PKD2L2: variants seen among roughly 807,000 people sequenced by gnomAD.
PKD2L2 encodes the protein polycystin 2 like 2, transient receptor potential cation channel, also known as polycystin-2-like protein 2.
Under a neutral mutation model 83.9 loss-of-function variants are expected in PKD2L2, and 67 were observed. The ratio of observed to expected loss-of-function variants is 0.80; its 90% CI spans 0.66 to 0.98. The LOEUF (loss-of-function observed/expected upper bound fraction) is 0.98. Among genes scored for constraint, PKD2L2 ranks in the 50% least tolerant of loss-of-function variants. PKD2L2 has a pLI of 0.00. For missense variants in PKD2L2, 632 were observed against 717.2 expected, an observed-to-expected ratio of 0.88 and a Z score of 1.36; for synonymous variants, 223 against 237.8, an observed-to-expected ratio of 0.94 and a Z score of 0.57.
At position 137,923,488 on chromosome 5, in the gene PKD2L2, G is replaced by T; in HGVS notation, c.1518G>T (p.Arg506Ser). ...AAGCTGACTATTCAATAGGCAGAAGGCTAGATTTTGAACTTGGCAAAATGA... is the reference window on the plus strand; with the variant it reads ...AAGCTGACTATTCAATAGGCAGAAGTCTAGATTTTGAACTTGGCAAAATGA... ...EVKADYSIGRRLDFELGKMIK... is the reference protein window; with the variant it reads ...EVKADYSIGRSLDFELGKMIK... Residue 506 changes from arginine (R) to serine (S), a missense_variant, in exon 10 of 15, where the codon AGG (arginine) becomes AGT (serine). Transcript: ENST00000508883. 6.4e-7 allele frequency: 1 copy of T among 1,567,310 alleles called. No homozygotes were observed. Among genetic ancestry groups the T allele is most frequent in the Non-Finnish European group, 8.8e-7 (1 of 1,137,528 alleles).
At chr5:137,892,792 A>G (rs1756102656) in intron 3 of PKD2L2, among the ~76,000 whole-genome samples, 179 bp downstream of exon 3, 1 of 152,212 alleles carries the variant, frequency 6.6e-6, no homozygotes, top group African/African-American at 2.4e-5. Flanking sequence ...TCTCAGTTTG[A>G]TACTATTCTT....
intron 8 of PKD2L2, among the ~76,000 whole-genome samples, chr5:137,917,240 C>A (rs1758457270): frequency 6.8e-6 from 1 of 146,686 alleles, no homozygotes; most frequent in African/African-American, 2.5e-5. Context: ...TCTTAGCTTA[C>A]TGCAGACTCC....
intron 8 of PKD2L2, among the ~76,000 whole-genome samples, chr5:137,911,849 C>T (rs996435613): frequency 1.3e-5 from 2 of 152,150 alleles, no homozygotes; most frequent in Admixed American, 6.6e-5. Flanking sequence ...ACCGTTCTAC[C>T]CTCTGCTTCT....
chr5:137,937,526 A>G (rs1292543201), intron 14 of PKD2L2, among the ~76,000 whole-genome samples: 2 of 152,196 alleles, frequency 1.3e-5, no homozygotes, highest in Non-Finnish European at 2.9e-5. Context: ...TACGATAGCC[A>G]TATGTTCTCT....
In PKD2L2 at chr5:137,905,241, G is replaced by A. The variant is rs147355055; in HGVS notation, c.747-965G>A. ...GCAGACTTTGAAACTGTTAACTGGCGTATCTAATCAGTAGTTGTGTAGATG... is the reference window on the plus strand; with the variant it reads ...GCAGACTTTGAAACTGTTAACTGGCATATCTAATCAGTAGTTGTGTAGATG... On this transcript the variant is annotated intron_variant, in intron 5 of 14. Coordinates refer to ENST00000508883, the MANE Select transcript of PKD2L2 (RefSeq NM_001300921.2). Among the ~76,000 whole-genome samples, 11 of 152,254 alleles carry A rather than the reference G, an allele frequency of 7.2e-5. No individual in the cohort carries two copies. In the East Asian group the frequency reaches 9.6e-4, roughly 13 times the overall value.
chr5:137,904,456 A>G (rs1757209398), intron 5 of PKD2L2, among the ~76,000 whole-genome samples: 1 of 152,222 alleles, frequency 6.6e-6, no homozygotes, highest in African/African-American at 2.4e-5. Flanking sequence ...GAATGCGATC[A>G]TATCCTTTGC....
chr5:137,926,059 C>A, intron 12 of PKD2L2, 130 bp downstream of exon 12: 1 of 568,862 alleles, frequency 1.8e-6, no homozygotes. Flanking sequence ...CCAAATAAAT[C>A]TCCCAGAATC....
intron 14 of PKD2L2, chr5:137,939,745 G>C: frequency 1.8e-6 from 1 of 566,516 alleles, no homozygotes; most frequent in Non-Finnish European, 2.3e-6. Flanking sequence ...GGAAAACAGA[G>C]AACACAGTTG....
At chr5:137,918,872 G>A (rs528394970) in intron 8 of PKD2L2, among the ~76,000 whole-genome samples, 1 of 146,678 alleles carries the variant, frequency 6.8e-6, no homozygotes, top group African/African-American at 2.5e-5. Flanking sequence ...TGATCCAGAC[G>A]AAATAGTTGA....
intron 12 of PKD2L2, among the ~76,000 whole-genome samples, chr5:137,926,532 C>T (rs1169294157): frequency 6.6e-6 from 1 of 152,148 alleles, no homozygotes; most frequent in Non-Finnish European, 1.5e-5. Context: ...TGAAGGTGAA[C>T]TTTGTGGTGC....
At chr5:137,924,116 C>T (rs1437474853) in intron 10 of PKD2L2, among the ~76,000 whole-genome samples, 4 of 152,304 alleles carry the variant, frequency 2.6e-5, no homozygotes, top group South Asian at 4.1e-4. Context: ...CAGTACTTTT[C>T]GCCCAGCCTT....
In PKD2L2 at chr5:137,894,546, G is replaced by T. The variant is rs1164531016; in HGVS notation, c.461G>T (p.Cys154Phe). The T allele has an allele frequency of 6.2e-7, 1 of 1,612,962 alleles. No homozygotes were observed. The highest frequency in any genetic ancestry group is 1.3e-5 in the African/African-American group (1 of 74,888). ...TCTTTTCAGTCTTTGATGAGTGAAT[G>T]TTATGGCAAATATACTTCTGCAAAT... ...YSSFQSLMSE[C>F]YGKYTSANED... The change falls in exon 4 of 15, where the codon TGT becomes TTT. Residue 154 changes from cysteine to phenylalanine, a missense_variant. Cys to Phe is a radical substitution (Grantham distance 205). Coordinates refer to ENST00000508883, the MANE Select transcript of PKD2L2 (RefSeq NM_001300921.2).
At chr5:137,906,462 A>G (rs764981350) in intron 6 of PKD2L2, 28 bp downstream of exon 6, 303 of 1,179,334 alleles carry the variant, frequency 2.6e-4, no homozygotes, top group Non-Finnish European at 3.7e-4. Flanking sequence ...TGTATGGTTG[A>G]AGGGGATCAC....
At chr5:137,936,671 C>T (rs576195695) in intron 14 of PKD2L2, among the ~76,000 whole-genome samples, 8 of 152,146 alleles carry the variant, frequency 5.3e-5, no homozygotes, top group South Asian at 2.1e-4. Context: ...CAGCCAGGAT[C>T]GTCTCGATCT....
At position 137,901,523 on chromosome 5, in the gene PKD2L2, G is replaced by T. The variant is rs80203446; in HGVS notation, c.746+1786G>T. On this transcript the variant is annotated intron_variant, in intron 5 of 14. Coordinates refer to ENST00000508883, the MANE Select transcript of PKD2L2 (RefSeq NM_001300921.2). ...TACTGTTTTGTGCAAATGAAGTCAG[G>T]TTTATTATCAGGACTACCCTTATCT... is the stretch of plus-strand genomic sequence containing the variant. 3.8e-3 allele frequency among the ~76,000 whole-genome samples: 582 copies of T among 152,262 alleles called. 3 individuals carry two copies. The highest frequency in any genetic ancestry group is 0.011 in the African/African-American group (440 of 41,546).
Position 137,916,475 on chromosome 5 carries a change from C to CTTTTTTTTT in PKD2L2, c.1329-5147_1329-5139dup, listed in dbSNP as rs1169529107. 1.3e-3 allele frequency among the ~76,000 whole-genome samples: 124 copies of CTTTTTTTTT among 93,128 alleles called. 2 individuals carry two copies. The highest frequency in any genetic ancestry group is 1.7e-3 in the East Asian group (5 of 2,892). 61.1% of individuals were successfully genotyped at this position (93,128 alleles called of 152,430 possible). On this transcript the variant is annotated intron_variant, in intron 8 of 14. Transcript: ENST00000508883. Reference sequence around the variant, plus strand: ...AAGATTCTTAATTGCCACTTTTCTTCTTTTTTTTTTTTTTTTTTTTTTGAG... The same window carrying CTTTTTTTTT: ...AAGATTCTTAATTGCCACTTTTCTTCTTTTTTTTTTTTTTTTTTTTTTTTTTTTTTTGAG...
chr5:137,924,383 G>C (rs1759195056), intron 10 of PKD2L2, among the ~76,000 whole-genome samples: 1 of 152,206 alleles, frequency 6.6e-6, no homozygotes, highest in Non-Finnish European at 1.5e-5. Flanking sequence ...CTCTGCTCAA[G>C]TCATTCTCTG....
intron 8 of PKD2L2, among the ~76,000 whole-genome samples, chr5:137,912,160 A>C (rs548585704): frequency 3.8e-4 from 58 of 152,292 alleles, no homozygotes; most frequent in Admixed American, 9.2e-4. Context: ...TTTCCTTTAG[A>C]TACATATACC....
rs151077965 is a variant in PKD2L2 at position 137,933,181 on chromosome 5, A to G, written c.1672-2616A>G. On this transcript the variant is annotated intron_variant, in intron 12 of 14. Coordinates refer to ENST00000508883, the MANE Select transcript of PKD2L2 (RefSeq NM_001300921.2). ...AGCCTAAAACCCAACATCACAGAGT[A>G]TAAGAGGGTAAATTTTGAGCTGAAC... Among the ~76,000 whole-genome samples, 870 of 152,314 alleles carry G rather than the reference A, an allele frequency of 5.7e-3. 7 individuals carry two copies. Among genetic ancestry groups the G allele is most frequent in the Non-Finnish European group, 9.2e-3 (628 of 68,020 alleles).
Sources: allele counts gnomAD v4.1 joint callset (sites outside exome capture counted in the v4.1 genomes callset), GRCh38; gene constraint gnomAD v4.1.1; transcripts MANE v1.5; gene names NCBI Gene and HGNC (gene_info 2026-07-23, HGNC 2026-07-21).